The following PCSK1 variants were observed in gnomAD, a reference collection of about 807,000 sequenced individuals.
The protein encoded by PCSK1 is neuroendocrine convertase 1.
Under a neutral mutation model 90.6 loss-of-function variants are expected in PCSK1, and 56 were observed. That is an observed-to-expected ratio of 0.62 (90% confidence interval 0.50 to 0.77). The LOEUF is 0.77. PCSK1 is among the 30% of genes least tolerant of loss of function. PCSK1 has a pLI of 0.00. For missense variants in PCSK1, 801 were observed against 932.6 expected (o/e 0.86, Z 1.84); for synonymous variants, 348 against 342.4 (o/e 1.02, Z -0.18).
At chr5:96,408,162 G>A (rs949640615) in intron 9 of PCSK1, 61 bp downstream of exon 9, 15 of 1,193,174 alleles carry the variant, frequency 1.3e-5, no homozygotes, top group South Asian at 5.1e-5. Flanking sequence ...AAAAAAAAGT[G>A]TTATTAAAAA....
chr5:96,406,494 A>G lies in PCSK1; in HGVS notation c.1196+1729T>C, dbSNP rs1355239483. 4.6e-5 allele frequency among the ~76,000 whole-genome samples: 7 copies of G among 152,192 alleles called. 1 individual carries two copies. The East Asian group carries it at 1.3e-3, about 29-fold the overall frequency. On this transcript the variant is annotated intron_variant, in intron 9 of 13. Coordinates refer to ENST00000311106, the MANE Select transcript of PCSK1 (RefSeq NM_000439.5). ...ACCAAACATCTTGCCAGCCCCTCCAAGTAGGTGGACTCTTGGTAAGAGCCT... is the reference window on the plus strand; with the variant it reads ...ACCAAACATCTTGCCAGCCCCTCCAGGTAGGTGGACTCTTGGTAAGAGCCT...
rs142567487 is a variant in PCSK1 at position 96,433,182 on chromosome 5, G to A, written c.-140C>T. 3.7e-4 allele frequency: 294 copies of A among 790,988 alleles called. No homozygotes were observed. The highest frequency in any genetic ancestry group is 5.8e-4 in the Non-Finnish European group (268 of 465,092). 49.0% of individuals were successfully genotyped at this position (790,988 alleles called of 1,614,324 possible). A position where few individuals can be genotyped will look rare whatever the true frequency, so the allele number is the denominator to read the frequency against. ...TCCTGGTTGCTCTGCGAAGAGCTAG[G>A]AGGCGCGAGAGGAGAGGCTGGGCGG... On this transcript the variant is annotated 5_prime_UTR_variant, in exon 1 of 14. Transcript: ENST00000311106.
intron 12 of PCSK1, among the ~76,000 whole-genome samples, chr5:96,396,561 CA>C (rs368951852): frequency 0.029 from 3,571 of 122,372 alleles, 133 homozygotes; most frequent in African/African-American, 0.09. Context: ...GACTCCGTCT[CA>C]AAAAAAAAAA....
chr5:96,415,851 T>C (rs2112429068), intron 6 of PCSK1, among the ~76,000 whole-genome samples, 182 bp downstream of exon 6: 1 of 152,334 alleles, frequency 6.6e-6, no homozygotes, highest in East Asian at 1.9e-4. Flanking sequence ...AACTATCCAT[T>C]TTCTAGGAAT....
At chr5:96,417,746 CTTT>C (rs1308654163) in intron 5 of PCSK1, among the ~76,000 whole-genome samples, 1 of 152,206 alleles carries the variant, frequency 6.6e-6, no homozygotes. Flanking sequence ...AGTTAGGATT[CTTT>C]CATTTGCAAC....
chr5:96,425,040 GAAAGAAAGAAAGAA>G lies in PCSK1; in HGVS notation c.396+766_396+779del, dbSNP rs1035475882. ...AGAAAGAAAGAAAGAAAGAAAGAAA[GAAAGAAAGAAAGAA>G]AGAAAGAAAGAAAGAAAGAAAACGT... On this transcript the variant is annotated intron_variant, in intron 3 of 13. Coordinates refer to ENST00000311106, the MANE Select transcript of PCSK1 (RefSeq NM_000439.5). Among the ~76,000 whole-genome samples, 19 of 140,324 alleles carry G rather than the reference GAAAGAAAGAAAGAA, an allele frequency of 1.4e-4. No homozygotes were observed. The South Asian group carries it at 4.0e-3, about 29-fold the overall frequency. 92.1% of individuals were successfully genotyped at this position (140,324 alleles called of 152,430 possible).
chr5:96,430,830 T>C (rs898624493), intron 1 of PCSK1, among the ~76,000 whole-genome samples: 4 of 152,206 alleles, frequency 2.6e-5, no homozygotes, highest in African/African-American at 9.7e-5. Context: ...CCCCACTATT[T>C]GTTAATGCTT....
chr5:96,426,004 G>A (rs1761296588), intron 2 of PCSK1, 74 bp from the exon 3 acceptor site: 2 of 825,732 alleles, frequency 2.4e-6, no homozygotes, highest in African/African-American at 3.4e-5. Flanking sequence ...ACTATCTCCA[G>A]TACCCTTCCC....
intron 12 of PCSK1, among the ~76,000 whole-genome samples, chr5:96,396,587 G>A (rs1320379396): frequency 6.6e-6 from 1 of 151,184 alleles, no homozygotes; most frequent in Non-Finnish European, 1.5e-5. Flanking sequence ...AGTTATTTAG[G>A]CGTATAATTC....
intron 5 of PCSK1, among the ~76,000 whole-genome samples, chr5:96,421,236 C>T (rs1481543100): frequency 2.0e-5 from 3 of 152,204 alleles, no homozygotes; most frequent in Non-Finnish European, 4.4e-5. Flanking sequence ...CCTCTCTCAC[C>T]ATAATGTGGC....
intron 1 of PCSK1, 70 bp downstream of exon 1, chr5:96,432,793 G>C: frequency 7.4e-7 from 1 of 1,342,400 alleles, no homozygotes; most frequent in Non-Finnish European, 1.1e-6. Context: ...GCTCCCACTT[G>C]GAAGACCGCG....
At chr5:96,404,498 C>T (rs1760489987) in intron 9 of PCSK1, among the ~76,000 whole-genome samples, 1 of 152,174 alleles carries the variant, frequency 6.6e-6, no homozygotes, top group South Asian at 2.1e-4. Flanking sequence ...CTTCTCCTTT[C>T]CTTTTCTCCT....
intron 9 of PCSK1, among the ~76,000 whole-genome samples, chr5:96,405,318 C>T (rs1470233125): frequency 1.3e-5 from 2 of 152,126 alleles, no homozygotes; most frequent in Non-Finnish European, 2.9e-5. Context: ...AACCTATAAG[C>T]CATTCCCCAG....
chr5:96,418,588 A>C (rs115913014), intron 5 of PCSK1, among the ~76,000 whole-genome samples: 1 of 152,220 alleles, frequency 6.6e-6, no homozygotes, highest in Non-Finnish European at 1.5e-5. Context: ...GTAATAAAGA[A>C]CAACAGCAAT....
chr5:96,422,537 C>A (rs1761161389), intron 4 of PCSK1, among the ~76,000 whole-genome samples: 1 of 152,314 alleles, frequency 6.6e-6, no homozygotes, highest in East Asian at 1.9e-4. Context: ...TAAACGCCTC[C>A]CGCATACCCT....
At position 96,425,910 on chromosome 5, in the gene PCSK1, C is replaced by T; in HGVS notation, c.306G>A (p.Gln102=). ...DDDRVIWAEQ[Q]YEKERSKRSA... The stretch of plus-strand genomic sequence containing the variant: ...AACGTTTACTTCTTTCTTTTTCATA[C>T]TGTTGTTCAGCCCATATCACCTACA... The change falls in exon 3 of 14, where the codon CAG becomes CAA. Residue 102 remains glutamine (Q), a synonymous_variant. Transcript: ENST00000311106. The T allele has an allele frequency of 6.2e-7, 1 of 1,610,298 alleles. No individual in the cohort carries two copies.
intron 2 of PCSK1, among the ~76,000 whole-genome samples, chr5:96,426,855 A>G (rs1761324648): frequency 6.6e-6 from 1 of 152,234 alleles, no homozygotes; most frequent in East Asian, 1.9e-4. Context: ...AAAACCATCC[A>G]CTAAGACTGC....
chr5:96,404,845 A>G (rs999297185), intron 9 of PCSK1, among the ~76,000 whole-genome samples: 1 of 152,184 alleles, frequency 6.6e-6, no homozygotes, highest in African/African-American at 2.4e-5. Flanking sequence ...TTTCTATGTC[A>G]TAAGAATGTT....
chr5:96,431,596 CAA>C (rs1275068162), intron 1 of PCSK1, among the ~76,000 whole-genome samples: 3 of 152,198 alleles, frequency 2.0e-5, no homozygotes, highest in African/African-American at 7.2e-5. Context: ...TGGCCAAAAG[CAA>C]AAGACTCATC....
Sources: gnomAD v4.1 joint callset for allele counts (sites outside exome capture counted in the v4.1 genomes callset) on GRCh38, gnomAD v4.1.1 for gene constraint, MANE v1.5 for transcripts, NCBI Gene and HGNC (gene_info 2026-07-23, HGNC 2026-07-21) for gene names.